Variants in P4HA1 observed in about 807,000 individuals in gnomAD.
P4HA1 encodes the protein prolyl 4-hydroxylase subunit alpha-1.
In P4HA1, 24 loss-of-function variants were observed where a neutral mutation model predicts 72.8. The ratio of observed to expected loss-of-function variants is 0.33; its 90% CI spans 0.24 to 0.46. The LOEUF (loss-of-function observed/expected upper bound fraction) is 0.46, where lower values mean the gene tolerates loss of function less well. Ranked by LOEUF, P4HA1 falls within the 20% of genes least tolerant of loss-of-function variation. The pLI is 1.00. For synonymous variants in P4HA1, 201 were observed against 218.8 expected, an observed-to-expected ratio of 0.92 and a Z score of 0.72; for missense variants, 446 against 640.6, an observed-to-expected ratio of 0.70 and a Z score of 3.28.
intron 1 of P4HA1, among the ~76,000 whole-genome samples, chr10:73,086,074 T>C (rs1841918282): frequency 6.6e-6 from 1 of 152,208 alleles, no homozygotes; most frequent in African/African-American, 2.4e-5. Flanking sequence ...CTCTGATACA[T>C]TGCTGGTAAA....
intron 6 of P4HA1, among the ~76,000 whole-genome samples, chr10:73,051,532 G>T (rs1841018858): frequency 6.6e-6 from 1 of 152,112 alleles, no homozygotes; most frequent in Non-Finnish European, 1.5e-5. Context: ...GACTGAGGTG[G>T]GTGGATCACC....
At chr10:73,073,283 A>G (rs1245952228) in intron 3 of P4HA1, among the ~76,000 whole-genome samples, 1 of 139,824 alleles carries the variant, frequency 7.2e-6, no homozygotes, top group East Asian at 2.2e-4. Flanking sequence ...GTGCAGTGGC[A>G]CAATCTTGGC....
intron 9 of P4HA1, among the ~76,000 whole-genome samples, chr10:73,037,562 TATATA>T (rs1226209372): frequency 8.8e-4 from 30 of 34,178 alleles, no homozygotes; most frequent in East Asian, 3.9e-3. Context: ...TATATATATA[TATATA>T]TATATTTTTT....
Position 73,057,406 on chromosome 10 carries a change from C to T in P4HA1, c.464-3816G>A, listed in dbSNP as rs182311968. 9.9e-5 allele frequency among the ~76,000 whole-genome samples: 15 copies of T among 152,114 alleles called. 1 individual carries two copies. Among genetic ancestry groups the T allele is most frequent in the African/African-American group, 3.4e-4 (14 of 41,514 alleles). On this transcript the variant is annotated intron_variant, in intron 5 of 14. Coordinates refer to ENST00000394890, the MANE Select transcript of P4HA1 (RefSeq NM_001017962.3). ...TTGGGAAGCTGAGGCAGGAGAATGG[C>T]ATGAACCTGGGAGGTAGAGCTTACA... is the stretch of plus-strand genomic sequence containing the variant.
chr10:73,064,615 C>T (rs190370994), intron 5 of P4HA1, among the ~76,000 whole-genome samples: 4 of 152,146 alleles, frequency 2.6e-5, no homozygotes, highest in African/African-American at 9.6e-5. Context: ...CTGAGGTGGA[C>T]GGAACACTTG....
intron 1 of P4HA1, among the ~76,000 whole-genome samples, chr10:73,096,233 C>T (rs1842162013): frequency 6.6e-6 from 1 of 152,122 alleles, no homozygotes; most frequent in South Asian, 2.1e-4. Flanking sequence ...CTGGGGAGGT[C>T]CCCCCAGCTC....
At position 73,021,975 on chromosome 10, in the gene P4HA1, C is replaced by T. The variant is rs1224550337; in HGVS notation, c.1249-5076G>A. 2.6e-5 allele frequency among the ~76,000 whole-genome samples: 4 copies of T among 152,256 alleles called. No homozygotes were observed. In the East Asian group the frequency reaches 7.8e-4, roughly 30 times the overall value. ...CATTGCTGAGGCTTGATTAGGTAAA[C>T]AAAATGGCCAGAAAGCTCAAACTGG... On this transcript the variant is annotated intron_variant, in intron 10 of 14. Coordinates refer to ENST00000394890, the MANE Select transcript of P4HA1 (RefSeq NM_001017962.3).
At chr10:73,022,147 C>CA (rs1178296615) in intron 10 of P4HA1, among the ~76,000 whole-genome samples, 1 of 152,198 alleles carries the variant, frequency 6.6e-6, no homozygotes, top group African/African-American at 2.4e-5. Flanking sequence ...GTGGTTCTCC[C>CA]AGGATGGCAT....
At chr10:73,096,558 A>G (rs1306334919) in intron 1 of P4HA1, among the ~76,000 whole-genome samples, 3 of 152,188 alleles carry the variant, frequency 2.0e-5, no homozygotes, top group Admixed American at 6.5e-5. Flanking sequence ...GAAGGGGGGC[A>G]CGAAGGAGCG....
chr10:73,056,337 A>G (rs962710342), intron 5 of P4HA1, among the ~76,000 whole-genome samples: 5 of 152,208 alleles, frequency 3.3e-5, no homozygotes, highest in African/African-American at 9.6e-5. Flanking sequence ...ATATGAACAA[A>G]TAAGATATCC....
At chr10:73,075,042 T>C (rs1011718589) in intron 1 of P4HA1, 127 bp from the exon 2 acceptor site, 11 of 541,196 alleles carry the variant, frequency 2.0e-5, no homozygotes, top group African/African-American at 1.7e-4. Flanking sequence ...ATGTTAGTTA[T>C]TATCAATTGT....
intron 6 of P4HA1, among the ~76,000 whole-genome samples, chr10:73,052,091 C>T (rs530758976): frequency 4.6e-5 from 7 of 151,570 alleles, no homozygotes; most frequent in Non-Finnish European, 8.8e-5. Flanking sequence ...ATATAATTTT[C>T]GAATAAGCTG....
At chr10:73,024,586 G>A (rs555168191) in intron 10 of P4HA1, among the ~76,000 whole-genome samples, 1 of 152,140 alleles carries the variant, frequency 6.6e-6, no homozygotes, top group Non-Finnish European at 1.5e-5. Context: ...AAGAACAAGA[G>A]AAGCAAGAGC....
chr10:73,073,898 A>G, intron 2 of P4HA1, 71 bp from the exon 3 acceptor site: 1 of 779,338 alleles, frequency 1.3e-6, no homozygotes, highest in Non-Finnish European at 2.3e-6. Flanking sequence ...AGAATGATTG[A>G]GACTGTTTCA....
At chr10:73,058,006 G>A (rs1280176050) in intron 5 of P4HA1, among the ~76,000 whole-genome samples, 2 of 145,134 alleles carry the variant, frequency 1.4e-5, no homozygotes, top group Non-Finnish European at 3.0e-5. Context: ...CACGAGAATC[G>A]CTTGAACCCG....
At position 73,044,061 on chromosome 10, in the gene P4HA1, A is replaced by T; in HGVS notation, c.1148+920T>A. On this transcript the variant is annotated intron_variant, in intron 9 of 14. Coordinates refer to ENST00000394890, the MANE Select transcript of P4HA1 (RefSeq NM_001017962.3). ...GCCACAGGTGATTGGAAGGGTTCAG[A>T]TTGGTCTGGATGGTGGGTAATGGTC... The T allele has an allele frequency of 4.4e-6, 3 of 682,992 alleles. No homozygotes were observed. The East Asian group carries it at 8.2e-5, about 19-fold the overall frequency. 42.3% of individuals were successfully genotyped at this position (682,992 alleles called of 1,614,324 possible).
chr10:73,053,901 A>G (rs1841075332), intron 5 of P4HA1, among the ~76,000 whole-genome samples: 1 of 151,856 alleles, frequency 6.6e-6, no homozygotes. Flanking sequence ...AGGAATTACC[A>G]TATGAGATAC....
At chr10:73,062,436 CCAA>C (rs1188078470) in intron 5 of P4HA1, among the ~76,000 whole-genome samples, 2 of 151,800 alleles carry the variant, frequency 1.3e-5, no homozygotes, top group Admixed American at 1.3e-4. Flanking sequence ...TATGACTTCT[CCAA>C]CAACATTTCT....
intron 1 of P4HA1, among the ~76,000 whole-genome samples, chr10:73,075,960 G>T (rs1390864383): frequency 6.6e-6 from 1 of 152,038 alleles, no homozygotes; most frequent in Non-Finnish European, 1.5e-5. Context: ...AAATTGACTG[G>T]CCAGGCACAG....
Sources: gnomAD v4.1 joint callset for allele counts (sites outside exome capture counted in the v4.1 genomes callset) on GRCh38, gnomAD v4.1.1 for gene constraint, MANE v1.5 for transcripts, NCBI Gene and HGNC (gene_info 2026-07-23, HGNC 2026-07-21) for gene names.